Variants in CCDC85A observed in about 807,000 individuals in gnomAD.
The protein encoded by CCDC85A is coiled-coil domain containing 85A.
A neutral mutation model predicts 50.2 loss-of-function variants in CCDC85A; 38 were observed. That is an observed-to-expected ratio of 0.76 (90% confidence interval 0.58 to 0.99). The LOEUF (loss-of-function observed/expected upper bound fraction) is 0.99. Ranked by LOEUF, CCDC85A falls within the 50% of genes least tolerant of loss-of-function variation. The pLI is 0.00. For missense variants in CCDC85A, 820 were observed against 742.0 expected, an observed-to-expected ratio of 1.11 and a Z score of -1.22; for synonymous variants, 366 against 301.4, an observed-to-expected ratio of 1.21 and a Z score of -2.22.
chr2:56,233,117 A>G (rs1354553566), intron 2 of CCDC85A, among the ~76,000 whole-genome samples: 1 of 152,166 alleles, frequency 6.6e-6, no homozygotes, highest in Non-Finnish European at 1.5e-5. Flanking sequence ...TCTTATTGTC[A>G]TTCAGATCTA....
At chr2:56,205,944 T>C (rs1573022195) in intron 2 of CCDC85A, among the ~76,000 whole-genome samples, 1 of 152,148 alleles carries the variant, frequency 6.6e-6, no homozygotes, top group South Asian at 2.1e-4. Flanking sequence ...CAGGGATGGC[T>C]TCTCAAAGGT....
intron 2 of CCDC85A, among the ~76,000 whole-genome samples, chr2:56,238,900 C>T (rs915461255): frequency 2.0e-5 from 3 of 152,118 alleles, no homozygotes; most frequent in Non-Finnish European, 4.4e-5. Context: ...ATGGACTTTG[C>T]TGAAGATTAT....
chr2:56,380,317 A>C (rs1266087469), intron 5 of CCDC85A, among the ~76,000 whole-genome samples: 1 of 152,154 alleles, frequency 6.6e-6, no homozygotes, highest in African/African-American at 2.4e-5. Context: ...TGTGTGCTTC[A>C]TGTCATGCGA....
chr2:56,375,258 T>A (rs1438148803), intron 4 of CCDC85A, among the ~76,000 whole-genome samples: 1 of 152,254 alleles, frequency 6.6e-6, no homozygotes, highest in East Asian at 1.9e-4. Flanking sequence ...AGTTTATATC[T>A]ATTCTGTTTT....
At chr2:56,261,765 G>A (rs910342429) in intron 2 of CCDC85A, among the ~76,000 whole-genome samples, 1 of 152,204 alleles carries the variant, frequency 6.6e-6, no homozygotes, top group Admixed American at 6.5e-5. Context: ...TGGGCACAGC[G>A]AGAACTGACC....
At chr2:56,383,844 A>G in intron 5 of CCDC85A, 1 of 726,610 alleles carries the variant, frequency 1.4e-6, no homozygotes, top group Non-Finnish European at 1.7e-6. Context: ...AGGTGTTCTT[A>G]ATTCTGGCTA....
intron 2 of CCDC85A, among the ~76,000 whole-genome samples, chr2:56,224,499 A>G (rs1359288281): frequency 6.6e-6 from 1 of 152,190 alleles, no homozygotes. Flanking sequence ...TGGCAGCCAC[A>G]TGATCTATGT....
At chr2:56,313,435 G>A (rs80145039) in intron 2 of CCDC85A, among the ~76,000 whole-genome samples, 2,643 of 152,144 alleles carry the variant, frequency 0.017, 87 homozygotes, top group African/African-American at 0.06. Context: ...CTGATACCTT[G>A]ATTTGCATCC....
intron 2 of CCDC85A, among the ~76,000 whole-genome samples, chr2:56,271,101 C>T (rs1046166275): frequency 6.6e-6 from 1 of 152,194 alleles, no homozygotes; most frequent in Admixed American, 6.5e-5. Flanking sequence ...GAACCCAGAT[C>T]AGTCTGGCCA....
chr2:56,317,209 C>G (rs920155298), intron 2 of CCDC85A, among the ~76,000 whole-genome samples: 1 of 152,082 alleles, frequency 6.6e-6, no homozygotes, highest in Non-Finnish European at 1.5e-5. Context: ...TTTCAAGCAG[C>G]AAACTTTAAT....
At chr2:56,368,900 C>A (rs1006936996) in intron 3 of CCDC85A, among the ~76,000 whole-genome samples, 26 of 151,642 alleles carry the variant, frequency 1.7e-4, no homozygotes, top group East Asian at 5.8e-4. Flanking sequence ...ATTTTTCTGG[C>A]GTGCAAACAA....
intron 2 of CCDC85A, among the ~76,000 whole-genome samples, chr2:56,218,212 T>A (rs543310124): frequency 1.3e-5 from 2 of 152,074 alleles, no homozygotes; most frequent in South Asian, 4.1e-4. Context: ...ATCCTCTTTT[T>A]ATTTATGAGA....
At chr2:56,305,201 G>C (rs970686331) in intron 2 of CCDC85A, among the ~76,000 whole-genome samples, 24 of 152,046 alleles carry the variant, frequency 1.6e-4, no homozygotes, top group Non-Finnish European at 2.8e-4. Context: ...TATACTACTG[G>C]TACATGATCA....
At chr2:56,347,803 C>T (rs1363500818) in intron 3 of CCDC85A, among the ~76,000 whole-genome samples, 1 of 152,112 alleles carries the variant, frequency 6.6e-6, no homozygotes, top group African/African-American at 2.4e-5. Context: ...AGCCCAAATT[C>T]AAAAACCTTG....
At chr2:56,258,204 G>A (rs1204659101) in intron 2 of CCDC85A, among the ~76,000 whole-genome samples, 3 of 152,112 alleles carry the variant, frequency 2.0e-5, no homozygotes, top group Non-Finnish European at 4.4e-5. Context: ...GCATGGCTGT[G>A]GGAGAAGATG....
At chr2:56,278,140 T>A (rs1671042699) in intron 2 of CCDC85A, among the ~76,000 whole-genome samples, 1 of 152,170 alleles carries the variant, frequency 6.6e-6, no homozygotes, top group Non-Finnish European at 1.5e-5. Flanking sequence ...CATTAGAACC[T>A]GTGTGTCTTT....
chr2:56,286,575 C>T (rs1671454154), intron 2 of CCDC85A, among the ~76,000 whole-genome samples: 1 of 152,070 alleles, frequency 6.6e-6, no homozygotes, highest in Non-Finnish European at 1.5e-5. Context: ...TTATATATTT[C>T]ATATCTCTGC....
At chr2:56,349,638 G>A (rs1019584746) in intron 3 of CCDC85A, among the ~76,000 whole-genome samples, 12 of 152,050 alleles carry the variant, frequency 7.9e-5, no homozygotes, top group Middle Eastern at 3.2e-3. Flanking sequence ...ATAAATCTTC[G>A]TTCTAATGAG....
At chr2:56,292,344 A>G (rs1166530826) in intron 2 of CCDC85A, among the ~76,000 whole-genome samples, 1 of 152,062 alleles carries the variant, frequency 6.6e-6, no homozygotes, top group African/African-American at 2.4e-5. Flanking sequence ...CGGCCTCCCA[A>G]AGTGCTGCTA....
Sources: allele counts gnomAD v4.1 joint callset (sites outside exome capture counted in the v4.1 genomes callset), GRCh38; gene constraint gnomAD v4.1.1; transcripts MANE v1.5; gene names NCBI Gene and HGNC (gene_info 2026-07-23, HGNC 2026-07-21).